Variants in RASA1 observed in about 807,000 individuals in gnomAD.
RASA1 encodes the protein ras GTPase-activating protein 1.
In RASA1, 25 loss-of-function variants were observed where a neutral mutation model predicts 132.2. The observed-to-expected ratio is 0.19, with a 90% CI of 0.14 to 0.26. The LOEUF is 0.26. RASA1 is among the 10% of genes least tolerant of loss of function. The pLI, the probability that RASA1 is intolerant of heterozygous loss-of-function variation, is 1.00. For synonymous variants in RASA1, 477 were observed against 449.9 expected (o/e 1.06, Z -0.76); for missense variants, 964 against 1,299.2 (o/e 0.74, Z 3.97).
At chr5:87,351,972 T>C (rs1186935001) in intron 8 of RASA1, among the ~76,000 whole-genome samples, 1 of 151,878 alleles carries the variant, frequency 6.6e-6, no homozygotes, top group Non-Finnish European at 1.5e-5. Flanking sequence ...TGGTGCTTTT[T>C]GCTTTAAAAC....
rs1761353822 is a variant in RASA1, at chr5:87,376,747, A to G, written c.2185-134A>G. 6.6e-6 allele frequency: 8 copies of G among 1,213,508 alleles called. No homozygotes were observed. The South Asian group carries it at 7.2e-5, about 11-fold the overall frequency. 75.2% of individuals were successfully genotyped at this position (1,213,508 alleles called of 1,614,324 possible). ...AATAAGTAGACTACGAATTCATTCT[A>G]TTTTAAATAAATTTATTCAATGGGA... On this transcript the variant is annotated intron_variant, in intron 16 of 24. Transcript: ENST00000274376.
chr5:87,344,416 ATC>A (rs1482527790), intron 6 of RASA1, among the ~76,000 whole-genome samples: 1 of 152,120 alleles, frequency 6.6e-6, no homozygotes, highest in Non-Finnish European at 1.5e-5. Flanking sequence ...CTAAAAAATG[ATC>A]TGTTATCTGG....
intron 11 of RASA1, among the ~76,000 whole-genome samples, chr5:87,368,134 A>T (rs1387623391): frequency 6.7e-6 from 1 of 148,474 alleles, no homozygotes; most frequent in Non-Finnish European, 1.5e-5. Flanking sequence ...GAGTCTGGTT[A>T]AAAAAAAAGT....
intron 5 of RASA1, among the ~76,000 whole-genome samples, chr5:87,338,536 A>ATATATG: frequency 1.2e-5 from 1 of 85,216 alleles, no homozygotes; most frequent in Non-Finnish European, 2.3e-5. Context: ...TATATATAAA[A>ATATATG]TTTTTTTTTT....
At chr5:87,297,967 GCCTA>G (rs1755195262) in intron 1 of RASA1, among the ~76,000 whole-genome samples, 1 of 152,084 alleles carries the variant, frequency 6.6e-6, no homozygotes, top group Non-Finnish European at 1.5e-5. Context: ...TTCTCTATCT[GCCTA>G]CCTGTCTCTC....
chr5:87,304,005 G>A (rs967052669), intron 1 of RASA1, among the ~76,000 whole-genome samples: 3 of 151,066 alleles, frequency 2.0e-5, no homozygotes, highest in African/African-American at 7.3e-5. Flanking sequence ...GGCTAATTTT[G>A]GTATTTTTAG....
At chr5:87,312,560 C>A (rs1756001551) in intron 1 of RASA1, among the ~76,000 whole-genome samples, 1 of 152,172 alleles carries the variant, frequency 6.6e-6, no homozygotes, top group Non-Finnish European at 1.5e-5. Context: ...TTTTAAACAT[C>A]TGAACGGGCC....
chr5:87,361,138 T>C (rs1318856940), intron 9 of RASA1, among the ~76,000 whole-genome samples: 3 of 152,188 alleles, frequency 2.0e-5, no homozygotes, highest in Non-Finnish European at 4.4e-5. Flanking sequence ...GTTCATTTAG[T>C]GTGTCCACTA....
intron 9 of RASA1, among the ~76,000 whole-genome samples, chr5:87,353,993 C>T (rs1759468442): frequency 1.3e-5 from 2 of 151,996 alleles, no homozygotes; most frequent in South Asian, 2.1e-4. Flanking sequence ...TACTGTTATT[C>T]TAGGGACATA....
chr5:87,330,323 T>C (rs113285354), intron 1 of RASA1, among the ~76,000 whole-genome samples: 2 of 152,212 alleles, frequency 1.3e-5, no homozygotes, highest in African/African-American at 2.4e-5. Flanking sequence ...ATATATTATA[T>C]AAAATACATA....
In RASA1 at chr5:87,379,925, A is replaced by G; in HGVS notation, c.2603+75A>G. On this transcript the variant is annotated intron_variant, in intron 19 of 24. Transcript: ENST00000274376. ...AGAAATTTCTATTTCTAAAACGTGA[A>G]AGCTTTTCTGTTGTCCTAATATTAT... 5 of 1,431,044 alleles carry G rather than the reference A, an allele frequency of 3.5e-6. No homozygotes were observed. The South Asian group carries it at 3.6e-5, about 10-fold the overall frequency. The allele number at this position is 1,431,044 out of a possible 1,614,324, so 88.6% of individuals were successfully genotyped here.
At chr5:87,362,293 C>A (rs959441647) in intron 9 of RASA1, among the ~76,000 whole-genome samples, 2 of 152,062 alleles carry the variant, frequency 1.3e-5, no homozygotes, top group Non-Finnish European at 2.9e-5. Context: ...TATTAGGTAT[C>A]CATGGAAACA....
At chr5:87,365,281 TATG>T (rs1760425642) in intron 11 of RASA1, among the ~76,000 whole-genome samples, 1 of 152,182 alleles carries the variant, frequency 6.6e-6, no homozygotes. Flanking sequence ...CTCGAAATCA[TATG>T]ATCCCTGTAT....
chr5:87,380,084 G>A (rs1761604523), intron 19 of RASA1, among the ~76,000 whole-genome samples: 1 of 152,104 alleles, frequency 6.6e-6, no homozygotes, highest in Admixed American at 6.6e-5. Context: ...CTTGGGGAGT[G>A]AATAGAGGTT....
At chr5:87,372,005 T>C (rs1237649423) in intron 12 of RASA1, 113 bp from the exon 13 acceptor site, 1 of 735,676 alleles carries the variant, frequency 1.4e-6, no homozygotes, top group Non-Finnish European at 2.3e-6. Context: ...AGAATAGAAA[T>C]GGCAGTCTAG....
chr5:87,268,995 G>A lies in RASA1; in HGVS notation c.539+5G>A, dbSNP rs1057518367. ...GACCGCTCCTCCAACTAACCAGTAA[G>A]TTAAGACTGCTGTTCAGGAATTTGG... On this transcript the variant is annotated splice_donor_5th_base_variant and intron_variant, in intron 1 of 24. Transcript: ENST00000274376. 1 of 1,614,252 alleles carries A rather than the reference G, an allele frequency of 6.2e-7. No homozygotes were observed.
At chr5:87,389,314 A>G in intron 23 of RASA1, 79 bp from the exon 24 acceptor site, 1 of 1,564,070 alleles carries the variant, frequency 6.4e-7, no homozygotes, top group Non-Finnish European at 8.8e-7. Flanking sequence ...CTGGGCAACA[A>G]GAGCGAAACT....
intron 8 of RASA1, 31 bp from the exon 9 acceptor site, chr5:87,353,126 A>G: frequency 6.5e-7 from 1 of 1,544,322 alleles, no homozygotes; most frequent in African/African-American, 1.4e-5. Context: ...TTTATGAGAC[A>G]GATTAATACT....
At position 87,268,726 on chromosome 5, in the gene RASA1, C is replaced by T. The variant is rs981951447; in HGVS notation, c.275C>T (p.Ala92Val). ...GCTGGACTGACAGGGGGAGGTACTG[C>T]TGCTGGCGTAGCTGGTGCTGCTGCT... ...GGAGLTGGGTAAGVAGAAAGV... is the reference protein window; with the variant it reads ...GGAGLTGGGTVAGVAGAAAGV... The change falls in exon 1 of 25, where the codon GCT (alanine) becomes GTT (valine). Residue 92 changes from alanine (A) to valine (V), a missense_variant. This residue lies in a region of RASA1 where 326 missense variants were observed against 275.8 expected (regional missense o/e 1.18). Transcript: ENST00000274376. 1.9e-6 allele frequency: 3 copies of T among 1,612,706 alleles called. No homozygotes were observed. Among genetic ancestry groups the T allele is most frequent in the Non-Finnish European group, 2.5e-6 (3 of 1,179,410 alleles).
Sources: allele counts gnomAD v4.1 joint callset (sites outside exome capture counted in the v4.1 genomes callset), GRCh38; gene constraint gnomAD v4.1.1; regional missense constraint gnomAD v4.1.1; transcripts MANE v1.5; gene names NCBI Gene and HGNC (gene_info 2026-07-23, HGNC 2026-07-21).